Variants in DLGAP4 observed in about 807,000 individuals in gnomAD.
DLGAP4 encodes disks large-associated protein 4.
Under a neutral mutation model 86.9 loss-of-function variants are expected in DLGAP4, and 18 were observed. The observed-to-expected ratio is 0.21, with a 90% CI of 0.14 to 0.31. The LOEUF is 0.31. DLGAP4 is among the 10% of genes least tolerant of loss of function. The pLI, the probability that DLGAP4 is intolerant of heterozygous loss-of-function variation, is 1.00. For missense variants in DLGAP4, 1,085 were observed against 1,362.6 expected (o/e 0.80, Z 3.21); for synonymous variants, 548 against 574.3 (o/e 0.95, Z 0.65).
chr20:36,391,299 G>A (rs559810700), intron 2 of DLGAP4, among the ~76,000 whole-genome samples: 4 of 152,202 alleles, frequency 2.6e-5, no homozygotes, highest in South Asian at 2.1e-4. Flanking sequence ...AAGCTCTCCC[G>A]CCCCTTCTCC....
At chr20:36,339,444 G>A (rs2065355175) in intron 1 of DLGAP4, among the ~76,000 whole-genome samples, 1 of 152,172 alleles carries the variant, frequency 6.6e-6, no homozygotes, top group East Asian at 1.9e-4. Context: ...CTGGAGTGCA[G>A]TGGCACGATC....
At chr20:36,343,418 C>G (rs888699335) in intron 1 of DLGAP4, among the ~76,000 whole-genome samples, 2 of 152,128 alleles carry the variant, frequency 1.3e-5, no homozygotes, top group Non-Finnish European at 2.9e-5. Context: ...GCCCAGGAAC[C>G]GTGTTTCACA....
chr20:36,459,962 C>T (rs1189061090), intron 7 of DLGAP4, among the ~76,000 whole-genome samples: 2 of 152,190 alleles, frequency 1.3e-5, no homozygotes, highest in Admixed American at 6.5e-5. Context: ...GTGTCAATCA[C>T]GGTCCACAGT....
intron 7 of DLGAP4, among the ~76,000 whole-genome samples, chr20:36,456,886 T>C (rs924499528): frequency 3.9e-5 from 6 of 152,204 alleles, no homozygotes; most frequent in African/African-American, 1.4e-4. Flanking sequence ...GGTGTTTAAA[T>C]AGAACCTTGG....
At position 36,432,353 on chromosome 20, in the gene DLGAP4, C is replaced by A. The variant is rs371702793; in HGVS notation, c.636C>A (p.Asp212Glu). Residue 212 changes from aspartate (D) to glutamate (E), a missense_variant, in exon 3 of 13, where the codon GAC becomes GAA. Asp to Glu is a conservative substitution (Grantham distance 45, BLOSUM62 2). Coordinates refer to ENST00000339266, the MANE Select transcript of DLGAP4 (RefSeq NM_001365621.2). The surrounding 1 kb of genome is among the most constrained non-coding windows in gnomAD (Gnocchi z 6.5). ...SGWWSSDDNL[D>E]GEAGAFRSSG... is the part of the protein sequence containing the mutation. ...GGTGGAGCTCCGATGACAACTTGGACGGCGAGGCCGGCGCCTTCCGCAGCA... is the reference window on the plus strand; with the variant it reads ...GGTGGAGCTCCGATGACAACTTGGAAGGCGAGGCCGGCGCCTTCCGCAGCA... 8 of 1,613,320 alleles carry A rather than the reference C, an allele frequency of 5.0e-6. No individual in the cohort carries two copies. In the African/African-American group the frequency reaches 1.1e-4, roughly 22 times the overall value.
intron 2 of DLGAP4, among the ~76,000 whole-genome samples, chr20:36,368,531 A>G (rs2030786775): frequency 6.6e-6 from 1 of 152,184 alleles, no homozygotes; most frequent in Non-Finnish European, 1.5e-5. Flanking sequence ...AAAGGGCCCC[A>G]TTAATTAGCT....
intron 2 of DLGAP4, among the ~76,000 whole-genome samples, chr20:36,423,537 G>A (rs1020885711): frequency 1.7e-4 from 26 of 150,146 alleles, no homozygotes; most frequent in East Asian, 3.9e-4. Context: ...ATGCCGTGCA[G>A]CATTCCTCAC....
At chr20:36,526,273 A>G in intron 12 of DLGAP4, 1 of 614,018 alleles carries the variant, frequency 1.6e-6, no homozygotes, top group South Asian at 1.9e-5. Flanking sequence ...CACAGCCTCA[A>G]TCACGTTATA....
intron 6 of DLGAP4, among the ~76,000 whole-genome samples, chr20:36,444,998 C>A (rs2033552630): frequency 2.0e-5 from 3 of 151,986 alleles, no homozygotes; most frequent in Non-Finnish European, 4.4e-5. Flanking sequence ...GCTTTGTCCC[C>A]CAGGCTGGAG....
At chr20:36,461,751 G>GGCCCC in intron 7 of DLGAP4, 21 of 618,734 alleles carry the variant, frequency 3.4e-5, no homozygotes, top group African/African-American at 6.2e-5. Context: ...CCGTCCGTCC[G>GGCCCC]CCCGCCCGCC....
At chr20:36,514,543 TG>T in intron 10 of DLGAP4, among the ~76,000 whole-genome samples, 1 of 152,190 alleles carries the variant, frequency 6.6e-6, no homozygotes, top group African/African-American at 2.4e-5. Flanking sequence ...CCCAAGTAGC[TG>T]GGAACACAGG....
intron 7 of DLGAP4, chr20:36,462,452 C>G: frequency 2.0e-6 from 3 of 1,529,574 alleles, no homozygotes. Flanking sequence ...GGGCCCTTGG[C>G]CCCCCCTTGC....
intron 7 of DLGAP4, among the ~76,000 whole-genome samples, chr20:36,491,537 G>A (rs2035662052): frequency 6.6e-6 from 1 of 152,112 alleles, no homozygotes. Flanking sequence ...GGGGAAGGGG[G>A]CTCCAGCAGA....
intron 7 of DLGAP4, among the ~76,000 whole-genome samples, chr20:36,456,936 A>G (rs1473308645): frequency 1.2e-4 from 18 of 152,252 alleles, no homozygotes; most frequent in Non-Finnish European, 2.4e-4. Context: ...GAGCCTTGCA[A>G]TCAGGCATCT....
At chr20:36,365,567 C>T (rs1174346359) in intron 1 of DLGAP4, among the ~76,000 whole-genome samples, 1 of 152,216 alleles carries the variant, frequency 6.6e-6, no homozygotes, top group African/African-American at 2.4e-5. Flanking sequence ...AGGCCCTGCC[C>T]TGCCTCTTCC....
At chr20:36,335,868 G>A (rs368786432) in intron 1 of DLGAP4, among the ~76,000 whole-genome samples, 4 of 152,144 alleles carry the variant, frequency 2.6e-5, no homozygotes, top group Non-Finnish European at 5.9e-5. Context: ...CCTCTTAGGG[G>A]CCTGGTCTCC....
At chr20:36,415,255 ACT>A (rs1259436030) in intron 2 of DLGAP4, among the ~76,000 whole-genome samples, 3 of 152,134 alleles carry the variant, frequency 2.0e-5, no homozygotes, top group African/African-American at 7.2e-5. Context: ...ACAGAGTGAG[ACT>A]CTGTCTCAAA....
chr20:36,456,626 G>A (rs73105132), intron 7 of DLGAP4, among the ~76,000 whole-genome samples: 6 of 152,318 alleles, frequency 3.9e-5, no homozygotes, highest in Non-Finnish European at 8.8e-5. Flanking sequence ...TCCTGTCTGG[G>A]GTCCACCAAC....
At chr20:36,396,374 A>G (rs1600478541) in intron 2 of DLGAP4, among the ~76,000 whole-genome samples, 1 of 1,348 alleles carries the variant, frequency 7.4e-4, no homozygotes. Flanking sequence ...ACATACACAC[A>G]CCCCACATAC....
Sources: allele counts gnomAD v4.1 joint callset (sites outside exome capture counted in the v4.1 genomes callset), GRCh38; gene constraint gnomAD v4.1.1; non-coding constraint Gnocchi (gnomAD v3.1); transcripts MANE v1.5; gene names NCBI Gene and HGNC (gene_info 2026-07-23, HGNC 2026-07-21).